The following PDHX variants were observed in gnomAD, a reference collection of about 807,000 sequenced individuals.
The protein encoded by PDHX is pyruvate dehydrogenase protein X component, mitochondrial.
In PDHX, 33 loss-of-function variants were observed where a neutral mutation model predicts 55.3. The observed-to-expected ratio is 0.60, with a 90% CI of 0.45 to 0.80. PDHX has a LOEUF of 0.80. Ranked by LOEUF, PDHX falls within the 30% of genes least tolerant of loss-of-function variation. The probability of loss-of-function intolerance (pLI) is 0.00; values close to 1 mark genes in which losing one functional copy is unlikely to be tolerated. For missense variants in PDHX, 622 were observed against 619.9 expected (o/e 1.00, Z -0.04); for synonymous variants, 226 against 219.4 (o/e 1.03, Z -0.27).
intron 9 of PDHX, among the ~76,000 whole-genome samples, chr11:34,991,939 C>T (rs1197347411): frequency 6.9e-5 from 10 of 145,346 alleles, no homozygotes; most frequent in Admixed American, 5.5e-4. Flanking sequence ...CTAAAAAACA[C>T]TAGATTGACC....
At chr11:34,960,566 C>A in intron 5 of PDHX, 48 bp downstream of exon 5, 1 of 1,137,076 alleles carries the variant, frequency 8.8e-7, no homozygotes, top group Non-Finnish European at 1.3e-6. Flanking sequence ...TTATTATGAT[C>A]ATGTTTTTTT....
intron 2 of PDHX, among the ~76,000 whole-genome samples, chr11:34,939,134 T>C (rs1033747376): frequency 1.6e-5 from 2 of 128,788 alleles, no homozygotes; most frequent in Non-Finnish European, 3.4e-5. Flanking sequence ...TTATGATAAC[T>C]TGCTCCATTC....
chr11:34,944,702 A>G (rs953818918), intron 2 of PDHX, among the ~76,000 whole-genome samples: 6 of 152,082 alleles, frequency 3.9e-5, no homozygotes, highest in African/African-American at 1.4e-4. Context: ...TTGCCTGTTA[A>G]TATTGCTATT....
At chr11:34,938,183 A>G (rs979487533) in intron 2 of PDHX, among the ~76,000 whole-genome samples, 2 of 152,246 alleles carry the variant, frequency 1.3e-5, no homozygotes, top group Non-Finnish European at 2.9e-5. Context: ...TGCATGTAGC[A>G]CATAGAGACA....
chr11:34,960,279 G>C, intron 4 of PDHX, 141 bp from the exon 5 acceptor site: 1 of 624,764 alleles, frequency 1.6e-6, no homozygotes, highest in Non-Finnish European at 2.9e-6. Context: ...CAGATTATTT[G>C]ACTGTGACCA....
chr11:34,974,841 G>C (rs1855332385), intron 7 of PDHX, among the ~76,000 whole-genome samples: 2 of 152,246 alleles, frequency 1.3e-5, no homozygotes, highest in African/African-American at 4.8e-5. Context: ...CCAGGAGTTG[G>C]AGGTTACAGT....
intron 3 of PDHX, among the ~76,000 whole-genome samples, chr11:34,950,370 T>A (rs912630608): frequency 1.3e-4 from 20 of 149,748 alleles, no homozygotes; most frequent in South Asian, 4.2e-4. Flanking sequence ...ATTTATTTAT[T>A]TTATTATTAT....
At position 34,943,408 on chromosome 11, in the gene PDHX, A is replaced by G. The variant is rs145721447; in HGVS notation, c.242-4098A>G. ...TACTGATGAACACAAATGATGATAT[A>G]GCATCATTTTGTTTTTCTGTGGCTA... is the stretch of plus-strand genomic sequence containing the variant. On this transcript the variant is annotated intron_variant, in intron 2 of 10. Transcript: ENST00000227868. Among the ~76,000 whole-genome samples the G allele has an allele frequency of 1.9e-4, 29 of 152,300 alleles. 2 individuals are homozygous for G. In the East Asian group the frequency reaches 5.2e-3, roughly 27 times the overall value.
At chr11:34,987,959 G>C (rs897254417) in intron 9 of PDHX, among the ~76,000 whole-genome samples, 2 of 152,148 alleles carry the variant, frequency 1.3e-5, no homozygotes, top group South Asian at 2.1e-4. Flanking sequence ...AGGGTAGACA[G>C]TAAATGTTAC....
At chr11:34,940,620 A>T (rs1405436824) in intron 2 of PDHX, among the ~76,000 whole-genome samples, 1 of 152,186 alleles carries the variant, frequency 6.6e-6, no homozygotes, top group Admixed American at 6.5e-5. Flanking sequence ...ATTTTTAATA[A>T]ATATATGGAG....
chr11:34,957,060 G>A (rs898949777), intron 3 of PDHX, among the ~76,000 whole-genome samples: 5 of 152,174 alleles, frequency 3.3e-5, no homozygotes, highest in Admixed American at 2.6e-4. Context: ...CTCCTGTTTG[G>A]ATTTGTATTG....
chr11:34,919,743 T>C (rs1408207971), intron 1 of PDHX, among the ~76,000 whole-genome samples: 1 of 152,220 alleles, frequency 6.6e-6, no homozygotes, highest in Non-Finnish European at 1.5e-5. Flanking sequence ...ATGCAGAGAC[T>C]ATCTTTTTTA....
At chr11:34,925,462 T>C (rs987917756) in intron 1 of PDHX, among the ~76,000 whole-genome samples, 6 of 152,242 alleles carry the variant, frequency 3.9e-5, no homozygotes, top group Non-Finnish European at 7.3e-5. Flanking sequence ...TATGCTGTTA[T>C]TCCTTTTCTC....
At chr11:34,937,318 C>G (rs1331117744) in intron 2 of PDHX, among the ~76,000 whole-genome samples, 1 of 151,928 alleles carries the variant, frequency 6.6e-6, no homozygotes, top group Non-Finnish European at 1.5e-5. Flanking sequence ...TAAATCTTTT[C>G]AATGTTAAGT....
chr11:34,935,401 A>C (rs1367585750), intron 2 of PDHX, among the ~76,000 whole-genome samples: 1 of 152,218 alleles, frequency 6.6e-6, no homozygotes, highest in Admixed American at 6.5e-5. Flanking sequence ...AAAAGAGGTG[A>C]GTATGTTACA....
chr11:34,923,372 GT>G (rs778027380), intron 1 of PDHX, among the ~76,000 whole-genome samples: 2 of 152,128 alleles, frequency 1.3e-5, no homozygotes, highest in Non-Finnish European at 2.9e-5. Flanking sequence ...ATTAGCCCTG[GT>G]TTTTGGAGGG....
intron 8 of PDHX, among the ~76,000 whole-genome samples, chr11:34,984,347 T>G (rs1855593407): frequency 6.6e-6 from 1 of 152,234 alleles, no homozygotes; most frequent in Admixed American, 6.5e-5. Context: ...CTCATCAGAA[T>G]TTCTTCAAAC....
chr11:34,927,091 CACAT>C (rs1854043377), intron 1 of PDHX, among the ~76,000 whole-genome samples: 1 of 151,858 alleles, frequency 6.6e-6, no homozygotes, highest in African/African-American at 2.4e-5. Flanking sequence ...AGTACTGGAC[CACAT>C]ACATTACAAT....
At chr11:34,926,938 C>T (rs527655317) in intron 1 of PDHX, among the ~76,000 whole-genome samples, 1 of 152,092 alleles carries the variant, frequency 6.6e-6, no homozygotes, top group Admixed American at 6.5e-5. Context: ...GTAAATTGCT[C>T]ATGTAGCAGA....
Sources: allele counts gnomAD v4.1 joint callset (sites outside exome capture counted in the v4.1 genomes callset), GRCh38; gene constraint gnomAD v4.1.1; transcripts MANE v1.5; gene names NCBI Gene and HGNC (gene_info 2026-07-23, HGNC 2026-07-21).